MTCH2: variants seen among roughly 807,000 people sequenced by gnomAD.
The protein encoded by MTCH2 is mitochondrial carrier homolog 2.
A neutral mutation model predicts 50.6 loss-of-function variants in MTCH2; 25 were observed. The ratio of observed to expected loss-of-function variants is 0.49; its 90% CI spans 0.36 to 0.69. The LOEUF (loss-of-function observed/expected upper bound fraction) is 0.69, where lower values mean the gene tolerates loss of function less well. Among genes scored for constraint, MTCH2 ranks in the 30% least tolerant of loss-of-function variants. The pLI is 0.00. For missense variants in MTCH2, 273 were observed against 384.4 expected, an observed-to-expected ratio of 0.71 and a Z score of 2.42; for synonymous variants, 106 against 132.0, an observed-to-expected ratio of 0.80 and a Z score of 1.35.
chr11:47,627,914 C>T (rs11039315), intron 9 of MTCH2, among the ~76,000 whole-genome samples: 3 of 152,132 alleles, frequency 2.0e-5, no homozygotes, highest in Non-Finnish European at 2.9e-5. Context: ...GCTTTAGGGA[C>T]GAATGTAAAA....
At chr11:47,632,128 T>C (rs1438656106) in intron 5 of MTCH2, among the ~76,000 whole-genome samples, 3 of 152,116 alleles carry the variant, frequency 2.0e-5, no homozygotes, top group Non-Finnish European at 4.4e-5. Context: ...TCATTCTAGA[T>C]AAATGACAGG....
chr11:47,626,681 C>T (rs1020354815), intron 10 of MTCH2, among the ~76,000 whole-genome samples: 1 of 151,642 alleles, frequency 6.6e-6, no homozygotes, highest in African/African-American at 2.4e-5. Context: ...GGCGTGATCT[C>T]AGCTCACTGC....
intron 5 of MTCH2, among the ~76,000 whole-genome samples, chr11:47,633,142 C>T (rs1394345153): frequency 7.5e-6 from 1 of 133,298 alleles, no homozygotes; most frequent in African/African-American, 2.9e-5. Context: ...GAGGGAGTCT[C>T]GCTGTCTCCC....
At chr11:47,628,117 C>T (rs1194914765) in intron 9 of MTCH2, among the ~76,000 whole-genome samples, 1 of 152,140 alleles carries the variant, frequency 6.6e-6, no homozygotes, top group East Asian at 1.9e-4. Flanking sequence ...TGGATTTAGT[C>T]ATATACCCTG....
downstream of MTCH2, among the ~76,000 whole-genome samples, chr11:47,615,517 G>A (rs532865270): frequency 7.2e-5 from 11 of 152,242 alleles, no homozygotes; most frequent in South Asian, 2.1e-3. Flanking sequence ...ACATGTCACT[G>A]GCAAGAGGGG....
chr11:47,614,396 T>C (rs2097287195), downstream of MTCH2, among the ~76,000 whole-genome samples: 2 of 152,200 alleles, frequency 1.3e-5, no homozygotes, highest in African/African-American at 4.8e-5. Context: ...TGTTCTCCTG[T>C]CTTGCTCCCT....
At chr11:47,636,451 G>A (rs1389123008) in intron 3 of MTCH2, among the ~76,000 whole-genome samples, 1 of 149,812 alleles carries the variant, frequency 6.7e-6, no homozygotes, top group Non-Finnish European at 1.5e-5. Context: ...AAGAAAAGGG[G>A]CCGGGCATGG....
chr11:47,635,416 C>A, intron 4 of MTCH2, 129 bp downstream of exon 4: 1 of 1,034,646 alleles, frequency 9.7e-7, no homozygotes, highest in Non-Finnish European at 1.5e-6. Flanking sequence ...CTGGTGGCCA[C>A]CCCATAGGAC....
intron 12 of MTCH2, among the ~76,000 whole-genome samples, chr11:47,622,400 T>C (rs2097294115): frequency 6.6e-6 from 1 of 152,176 alleles, no homozygotes. Flanking sequence ...TTTACCAGGA[T>C]AATAATCTAC....
At chr11:47,637,317 A>C (rs1316676046) in intron 3 of MTCH2, among the ~76,000 whole-genome samples, 1 of 152,162 alleles carries the variant, frequency 6.6e-6, no homozygotes, top group Admixed American at 6.6e-5. Context: ...ACAGAAAATA[A>C]GTCAGTAAAA....
chr11:47,637,910 T>C (rs988173949), intron 3 of MTCH2, among the ~76,000 whole-genome samples: 1 of 152,246 alleles, frequency 6.6e-6, no homozygotes. Flanking sequence ...TCCATCGATA[T>C]AATTATCTAA....
At chr11:47,636,796 A>G (rs2153800745) in intron 3 of MTCH2, among the ~76,000 whole-genome samples, 1 of 152,228 alleles carries the variant, frequency 6.6e-6, no homozygotes, top group East Asian at 1.9e-4. Flanking sequence ...TCACGCCTGT[A>G]ATCCCAACAC....
Position 47,631,662 on chromosome 11 carries a change from G to A in MTCH2, c.419C>T (p.Pro140Leu). 1 of 1,614,026 alleles carries A rather than the reference G, an allele frequency of 6.2e-7. No homozygotes were observed. The highest frequency in any genetic ancestry group is 8.5e-7 in the Non-Finnish European group (1 of 1,179,984). ...GTCAACTGCAAACATACCATGGAAG[G>A]GATGTGTGATGAGGGTAGCAGCAGA... Reference protein sequence around the residue: ...ARSAATLITHPFHVITLRSMV... With the variant: ...ARSAATLITHLFHVITLRSMV... The change falls in exon 6 of 13, where the codon CCC becomes CTC. Residue 140 changes from proline to leucine, a missense_variant. By Grantham distance (98) the Pro-to-Leu change is moderately conservative. Transcript: ENST00000302503.
intron 3 of MTCH2, among the ~76,000 whole-genome samples, chr11:47,638,478 G>A (rs2097310773): frequency 1.6e-5 from 2 of 126,168 alleles, no homozygotes; most frequent in South Asian, 2.9e-4. Flanking sequence ...CCCGGCAGGC[G>A]GAGTTTGCAG....
At chr11:47,634,769 ATT>A (rs139407275) in intron 4 of MTCH2, 35 bp from the exon 5 acceptor site, 17,222 of 728,792 alleles carry the variant, frequency 0.024, no homozygotes, top group East Asian at 0.034. Flanking sequence ...AGAGATCTTG[ATT>A]TTTTTTTTTT....
At chr11:47,627,038 A>G in intron 10 of MTCH2, 42 bp downstream of exon 10, 2 of 1,465,362 alleles carry the variant, frequency 1.4e-6, no homozygotes, top group Non-Finnish European at 1.9e-6. Context: ...AAAACAAAAC[A>G]CAACTATTCC....
intron 3 of MTCH2, among the ~76,000 whole-genome samples, chr11:47,637,494 A>G (rs1452674429): frequency 4.6e-5 from 7 of 152,152 alleles, no homozygotes; most frequent in Non-Finnish European, 1.0e-4. Flanking sequence ...TAAAACAAGC[A>G]AGAGGTTTTT....
Position 47,631,059 on chromosome 11 carries a change from G to C in MTCH2, c.456C>G (p.Phe152Leu), listed in dbSNP as rs753828962. Reference sequence around the variant, plus strand: ...ACCAGTACTTGGATTCTCTGCCAATGAACTGTACCATAGATCTCAGAGTGA... The same window carrying C: ...ACCAGTACTTGGATTCTCTGCCAATCAACTGTACCATAGATCTCAGAGTGA... Reference protein sequence around the residue: ...HVITLRSMVQFIGRESKYCGL... With the variant: ...HVITLRSMVQLIGRESKYCGL... The change falls in exon 7 of 13, where the codon TTC becomes TTG. Residue 152 changes from phenylalanine (F) to leucine (L), a missense_variant. Phe to Leu is a conservative substitution (Grantham distance 22). Coordinates refer to ENST00000302503, the MANE Select transcript of MTCH2 (RefSeq NM_014342.4). 2 of 1,613,036 alleles carry C rather than the reference G, an allele frequency of 1.2e-6. No homozygotes were observed. Among genetic ancestry groups the C allele is most frequent in the Non-Finnish European group, 1.7e-6 (2 of 1,179,116 alleles).
chr11:47,627,856 G>A (rs1320269677), intron 9 of MTCH2, among the ~76,000 whole-genome samples: 1 of 152,044 alleles, frequency 6.6e-6, no homozygotes, highest in Non-Finnish European at 1.5e-5. Flanking sequence ...TGGTCAAAAT[G>A]ATCAACCTGA....
Sources: allele counts gnomAD v4.1 joint callset (sites outside exome capture counted in the v4.1 genomes callset), GRCh38; gene constraint gnomAD v4.1.1; transcripts MANE v1.5; gene names NCBI Gene and HGNC (gene_info 2026-07-23, HGNC 2026-07-21).